Variants in DNAH3 observed in about 807,000 individuals in gnomAD.
The protein encoded by DNAH3 is dynein axonemal heavy chain 3.
A neutral mutation model predicts 432.5 loss-of-function variants in DNAH3; 332 were observed. The ratio of observed to expected loss-of-function variants is 0.77; its 90% CI spans 0.70 to 0.84. The LOEUF (loss-of-function observed/expected upper bound fraction) is 0.84. Ranked by LOEUF, DNAH3 falls within the 40% of genes least tolerant of loss-of-function variation. The pLI is 0.00. For synonymous variants in DNAH3, 1,956 were observed against 1,900.2 expected (o/e 1.03, Z -0.76); for missense variants, 4,861 against 5,114.0 (o/e 0.95, Z 1.51).
At chr16:21,048,164 C>T (rs1336531785) in intron 31 of DNAH3, among the ~76,000 whole-genome samples, 1 of 152,260 alleles carries the variant, frequency 6.6e-6, no homozygotes, top group Non-Finnish European at 1.5e-5. Flanking sequence ...GTGGAGCCTG[C>T]AGAGGCAGGC....
chr16:21,112,316 G>A (rs186140965), intron 12 of DNAH3, among the ~76,000 whole-genome samples: 1 of 152,282 alleles, frequency 6.6e-6, no homozygotes, highest in Non-Finnish European at 1.5e-5. Flanking sequence ...ACTTAGACAA[G>A]ATATTTCAGT....
At position 21,067,774 on chromosome 16, in the gene DNAH3, A is replaced by AGG. The variant is rs1409887401; in HGVS notation, c.3382-357_3382-356dup. ...GCCAGTCTTGGGGGGGGGGGTGGGG[A>AGG]GGGAGAGAGAGAGAGAGAGAGAGAG... On this transcript the variant is annotated intron_variant, in intron 23 of 61. Transcript: ENST00000261383. 1.1e-3 allele frequency among the ~76,000 whole-genome samples: 42 copies of AGG among 39,996 alleles called. 5 individuals are homozygous for AGG. Among genetic ancestry groups the AGG allele is most frequent in the African/African-American group, 4.2e-3 (36 of 8,530 alleles). The allele number at this position is 39,996 out of a possible 152,430, so 26.2% of individuals were successfully genotyped here.
exon 12 of DNAH3, chr16:21,117,266 A>T (rs1319764818): frequency 6.2e-7 from 1 of 1,611,624 alleles, no homozygotes; most frequent in East Asian, 2.2e-5. Flanking sequence ...ATCAGAAACA[A>T]GTTTTTCTTC....
At chr16:21,101,697 G>A (rs8047480) in intron 16 of DNAH3, among the ~76,000 whole-genome samples, 3,749 of 152,300 alleles carry the variant, frequency 0.025, 131 homozygotes, top group African/African-American at 0.074. Flanking sequence ...CCAGGCTGGG[G>A]ACAATGGAAA....
intron 2 of DNAH3, among the ~76,000 whole-genome samples, 153 bp from the exon 4 acceptor site, chr16:21,145,559 C>A (rs2092772682): frequency 6.6e-6 from 1 of 152,216 alleles, no homozygotes; most frequent in Non-Finnish European, 1.5e-5. Flanking sequence ...TGAACAGACA[C>A]CAACTGTACT....
chr16:20,953,862 A>G (rs964333628), intron 55 of DNAH3, among the ~76,000 whole-genome samples: 3 of 151,582 alleles, frequency 2.0e-5, no homozygotes, highest in Admixed American at 6.6e-5. Context: ...CTCCCACCTC[A>G]GCCTCCCAAA....
At chr16:21,106,887 A>C (rs550494527) in intron 14 of DNAH3, among the ~76,000 whole-genome samples, 1 of 152,308 alleles carries the variant, frequency 6.6e-6, no homozygotes, top group South Asian at 2.1e-4. Context: ...TTGTAATGAT[A>C]ATAATACCTG....
At chr16:21,042,810 A>T (rs2089507771) in intron 31 of DNAH3, among the ~76,000 whole-genome samples, 1 of 152,076 alleles carries the variant, frequency 6.6e-6, no homozygotes, top group Admixed American at 6.6e-5. Context: ...TCCCGATGCT[A>T]TCCCTCCCCA....
At chr16:21,152,813 C>T (rs1027551272) in intron 1 of DNAH3, among the ~76,000 whole-genome samples, 4 of 152,258 alleles carry the variant, frequency 2.6e-5, no homozygotes, top group African/African-American at 9.6e-5. Context: ...CATTTCTCAC[C>T]GGGCCTTAGC....
chr16:21,001,164 A>T (rs975303899), intron 42 of DNAH3, among the ~76,000 whole-genome samples: 6 of 152,196 alleles, frequency 3.9e-5, no homozygotes, highest in African/African-American at 1.2e-4. Flanking sequence ...TGGGGATTGT[A>T]TTAATACACA....
chr16:21,073,482 C>T (rs1255753229), intron 21 of DNAH3, among the ~76,000 whole-genome samples: 1 of 152,028 alleles, frequency 6.6e-6, no homozygotes, highest in Non-Finnish European at 1.5e-5. Context: ...AGGCCCTGTG[C>T]CCTCAGCTCT....
intron 24 of DNAH3, among the ~76,000 whole-genome samples, chr16:21,066,172 T>A (rs1463458533): frequency 2.0e-5 from 3 of 152,070 alleles, no homozygotes; most frequent in African/African-American, 7.2e-5. Context: ...TTTTTTTGTT[T>A]TTTTTGGTAA....
chr16:21,095,397 C>T (rs960940465), intron 18 of DNAH3, among the ~76,000 whole-genome samples: 4 of 152,204 alleles, frequency 2.6e-5, no homozygotes, highest in Non-Finnish European at 4.4e-5. Context: ...TCCAACAACT[C>T]GGATGAATCT....
At chr16:21,092,374 A>G (rs1478841177) in intron 18 of DNAH3, among the ~76,000 whole-genome samples, 1 of 152,272 alleles carries the variant, frequency 6.6e-6, no homozygotes, top group African/African-American at 2.4e-5. Flanking sequence ...GAGAAAAGAT[A>G]GCCTTTTCAA....
intron 18 of DNAH3, among the ~76,000 whole-genome samples, chr16:21,087,582 T>C (rs1040692022): frequency 6.6e-5 from 10 of 151,998 alleles, no homozygotes; most frequent in African/African-American, 1.7e-4. Flanking sequence ...GAATCTGCTA[T>C]AGTAGTAATT....
In DNAH3 at chr16:21,003,178, GT is replaced by G; in HGVS notation, c.6051del (p.Lys2017AsnfsTer44). On this transcript the variant is annotated frameshift_variant, in exon 42 of 62. Coordinates refer to ENST00000261383, the Ensembl canonical transcript of DNAH3. LOFTEE classifies it high-confidence loss of function. ...CACGTTTCCCAATGTCCACTAGCTT[GT>G]TTGATAAAATAAAAATCATAGATGC... The G allele has an allele frequency of 6.2e-7, 1 of 1,609,786 alleles. No homozygotes were observed. The highest frequency in any genetic ancestry group is 1.1e-5 in the South Asian group (1 of 89,862).
intron 41 of DNAH3, among the ~76,000 whole-genome samples, chr16:21,017,796 G>T (rs1313271740): frequency 1.3e-5 from 2 of 152,088 alleles, no homozygotes; most frequent in African/African-American, 4.8e-5. Flanking sequence ...GTATGTGGCA[G>T]GCGGTAATAG....
chr16:21,068,334 G>A (rs1334137549), intron 23 of DNAH3, among the ~76,000 whole-genome samples: 2 of 120,602 alleles, frequency 1.7e-5, no homozygotes, highest in Non-Finnish European at 3.4e-5. Context: ...GTGGGGGGGG[G>A]GACAGAGTCT....
chr16:21,073,743 C>A (rs1218898132), intron 21 of DNAH3, among the ~76,000 whole-genome samples: 1 of 152,108 alleles, frequency 6.6e-6, no homozygotes, highest in Non-Finnish European at 1.5e-5. Flanking sequence ...ACCAAGACAG[C>A]CGGCCATAAG....
Sources: allele counts gnomAD v4.1 joint callset (sites outside exome capture counted in the v4.1 genomes callset), GRCh38; gene constraint gnomAD v4.1.1; transcripts MANE v1.5; gene names NCBI Gene and HGNC (gene_info 2026-07-23, HGNC 2026-07-21).